Variants in BNC2 observed in about 807,000 individuals in gnomAD.
BNC2 encodes the protein zinc finger protein basonuclin-2.
BNC2 carries 20 observed loss-of-function variants against 76.3 expected under a neutral mutation model. The ratio of observed to expected loss-of-function variants is 0.26; its 90% CI spans 0.18 to 0.38. BNC2 has a LOEUF of 0.38. Among genes scored for constraint, BNC2 ranks in the 10% least tolerant of loss-of-function variants. BNC2 has a pLI of 1.00. For synonymous variants in BNC2, 582 were observed against 514.8 expected (o/e 1.13, Z -1.77); for missense variants, 1,382 against 1,399.8 (o/e 0.99, Z 0.20).
At chr9:16,505,070 G>C (rs761391213) in intron 5 of BNC2, among the ~76,000 whole-genome samples, 1 of 152,208 alleles carries the variant, frequency 6.6e-6, no homozygotes, top group Non-Finnish European at 1.5e-5. Context: ...TAACTTTTCT[G>C]AGCCTTGTTT....
intron 1 of BNC2, among the ~76,000 whole-genome samples, chr9:16,864,799 T>A (rs1435660213): frequency 6.6e-6 from 1 of 152,004 alleles, no homozygotes; most frequent in African/African-American, 2.4e-5. Flanking sequence ...GTGGGGCCTT[T>A]CGGTTTTTCC....
intron 3 of BNC2, among the ~76,000 whole-genome samples, chr9:16,720,228 A>C (rs1326566337): frequency 2.0e-5 from 3 of 152,234 alleles, no homozygotes; most frequent in African/African-American, 7.2e-5. Flanking sequence ...ATGTATTGGC[A>C]AAAGGGTATT....
chr9:16,630,025 A>C (rs1450371709), intron 3 of BNC2, among the ~76,000 whole-genome samples: 1 of 152,222 alleles, frequency 6.6e-6, no homozygotes, highest in Non-Finnish European at 1.5e-5. Flanking sequence ...ACTTCTTTCA[A>C]AATTGGAGTC....
At chr9:16,771,582 A>C (rs1218600055) in intron 1 of BNC2, among the ~76,000 whole-genome samples, 2 of 152,234 alleles carry the variant, frequency 1.3e-5, no homozygotes, top group African/African-American at 4.8e-5. Flanking sequence ...TCAGCAAAAA[A>C]GATAAGACGT....
chr9:16,628,248 T>C (rs1421670741), intron 3 of BNC2, among the ~76,000 whole-genome samples: 1 of 152,144 alleles, frequency 6.6e-6, no homozygotes, highest in Non-Finnish European at 1.5e-5. Flanking sequence ...CCACAAGCAA[T>C]ATAAGTGTGT....
intron 5 of BNC2, among the ~76,000 whole-genome samples, chr9:16,469,073 A>T (rs1821759536): frequency 6.6e-6 from 1 of 152,212 alleles, no homozygotes; most frequent in African/African-American, 2.4e-5. Flanking sequence ...TATACTTTAT[A>T]CCTGTGTGTG....
At chr9:16,814,230 G>T (rs912149708) in intron 1 of BNC2, among the ~76,000 whole-genome samples, 4 of 152,194 alleles carry the variant, frequency 2.6e-5, no homozygotes, top group African/African-American at 9.7e-5. Context: ...AAGAATACAG[G>T]AGGGTACATA....
chr9:16,705,566 GTTCT>G (rs1425326176), intron 3 of BNC2, among the ~76,000 whole-genome samples: 3 of 152,082 alleles, frequency 2.0e-5, no homozygotes, highest in Non-Finnish European at 4.4e-5. Context: ...GACGCCAAAG[GTTCT>G]TTCTTATTAT....
intron 4 of BNC2, among the ~76,000 whole-genome samples, chr9:16,556,288 C>A (rs1818828695): frequency 6.6e-6 from 1 of 151,894 alleles, no homozygotes; most frequent in Admixed American, 6.6e-5. Context: ...AAGACCCTGT[C>A]TCCAAAAACA....
At chr9:16,461,882 T>G (rs1821590671) in intron 5 of BNC2, among the ~76,000 whole-genome samples, 1 of 152,366 alleles carries the variant, frequency 6.6e-6, no homozygotes, top group East Asian at 1.9e-4. Flanking sequence ...TCACTTCTCA[T>G]GTGCATGCAG....
chr9:16,670,834 C>G (rs1442701899), intron 3 of BNC2, among the ~76,000 whole-genome samples: 1 of 152,086 alleles, frequency 6.6e-6, no homozygotes, highest in East Asian at 1.9e-4. Flanking sequence ...AGACCAAAAC[C>G]AAAAACAATG....
intron 3 of BNC2, among the ~76,000 whole-genome samples, chr9:16,662,912 T>C (rs1822151428): frequency 6.6e-6 from 1 of 152,154 alleles, no homozygotes; most frequent in South Asian, 2.1e-4. Context: ...TTAAAGTTGC[T>C]ATTACCTGCA....
chr9:16,868,342 C>A (rs992067056), intron 1 of BNC2, among the ~76,000 whole-genome samples: 4 of 152,186 alleles, frequency 2.6e-5, no homozygotes, highest in Non-Finnish European at 5.9e-5. Flanking sequence ...GTAACACTTA[C>A]ATTTTAATAT....
intron 1 of BNC2, among the ~76,000 whole-genome samples, chr9:16,750,031 A>G (rs1825141735): frequency 1.3e-5 from 2 of 152,222 alleles, no homozygotes; most frequent in Non-Finnish European, 2.9e-5. Flanking sequence ...TTGAAACTAT[A>G]GTAGACACTA....
chr9:16,593,193 T>C (rs1020562422), intron 3 of BNC2, among the ~76,000 whole-genome samples: 6 of 151,734 alleles, frequency 4.0e-5, no homozygotes, highest in Non-Finnish European at 8.8e-5. Context: ...AAAGCCAAGA[T>C]ACAAATTTGG....
chr9:16,524,058 T>C (rs529249378), intron 5 of BNC2, among the ~76,000 whole-genome samples: 2 of 152,244 alleles, frequency 1.3e-5, no homozygotes, highest in African/African-American at 4.8e-5. Context: ...TGAAATAAGC[T>C]GCTTCTTCAA....
intron 3 of BNC2, among the ~76,000 whole-genome samples, chr9:16,708,542 G>A (rs1309919919): frequency 6.6e-6 from 1 of 152,138 alleles, no homozygotes; most frequent in African/African-American, 2.4e-5. Context: ...TCAGAGATGA[G>A]AAAGGACAAG....
At chr9:16,778,418 G>A (rs571890863) in intron 1 of BNC2, among the ~76,000 whole-genome samples, 2 of 151,988 alleles carry the variant, frequency 1.3e-5, no homozygotes, top group African/African-American at 2.4e-5. Context: ...TACCAACAAT[G>A]ATCATAATAT....
intron 1 of BNC2, among the ~76,000 whole-genome samples, chr9:16,838,775 T>C (rs112237509): frequency 6.6e-6 from 1 of 152,190 alleles, no homozygotes; most frequent in African/African-American, 2.4e-5. Flanking sequence ...ATTTCAACTA[T>C]GGATTCAACA....
Sources: allele counts gnomAD v4.1 joint callset (sites outside exome capture counted in the v4.1 genomes callset), GRCh38; gene constraint gnomAD v4.1.1; transcripts MANE v1.5; gene names NCBI Gene and HGNC (gene_info 2026-07-23, HGNC 2026-07-21).